The following FRMPD4 variants were observed in gnomAD, a reference collection of about 807,000 sequenced individuals.
The protein encoded by FRMPD4 is FERM and PDZ domain containing 4.
Under a neutral mutation model 94.1 loss-of-function variants are expected in FRMPD4, and 22 were observed. That is an observed-to-expected ratio of 0.23 (90% CI 0.17 to 0.33). FRMPD4 has a LOEUF of 0.33. Ranked by LOEUF, FRMPD4 falls within the 10% of genes least tolerant of loss-of-function variation. The probability of loss-of-function intolerance (pLI) is 1.00; values close to 1 mark genes in which losing one functional copy is unlikely to be tolerated. For missense variants in FRMPD4, 1,111 were observed against 1,339.9 expected, an observed-to-expected ratio of 0.83 and a Z score of 2.67; for synonymous variants, 631 against 548.6, an observed-to-expected ratio of 1.15 and a Z score of -2.10.
intron 3 of FRMPD4, among the ~76,000 whole-genome samples, chrX:12,131,123 TGG>T (rs2055549185): frequency 9.0e-6 from 1 of 111,213 alleles, no homozygotes; most frequent in African/African-American, 3.3e-5. Context: ...TGAGAGAGGG[TGG>T]GGTTAAAGAA....
chrX:12,269,604 G>T (rs12845995), intron 1 of FRMPD4, among the ~76,000 whole-genome samples: 2 of 112,337 alleles, frequency 1.8e-5, no homozygotes, highest in Non-Finnish European at 3.8e-5. Context: ...TTGCATGCTT[G>T]TCCCCAGTGG....
rs758955955 is a variant in FRMPD4, at chrX:12,716,556, G to A, written c.2097G>A (p.Leu699=). The change falls in exon 15 of 17, where the codon CTG becomes CTA. Residue 699 remains leucine, a synonymous_variant. Coordinates refer to ENST00000675598, the MANE Select transcript of FRMPD4 (RefSeq NM_001368397.1). ...YIGSANDMKG[L]DLTPEAEGIQ... is the part of the protein sequence containing the mutation. ...GCAGTGCCAATGACATGAAGGGCCT[G>A]GATCTCACTCCAGAGGCAGAGGGCA... is the stretch of plus-strand genomic sequence containing the variant. 8.3e-7 allele frequency: 1 copy of A among 1,208,686 alleles called. No individual in the cohort carries two copies. The highest frequency in any genetic ancestry group is 3.0e-5 in the East Asian group (1 of 33,738).
intron 1 of FRMPD4, among the ~76,000 whole-genome samples, chrX:12,440,487 T>C (rs769282465): frequency 9.0e-6 from 1 of 111,622 alleles, no homozygotes; most frequent in African/African-American, 3.2e-5. Flanking sequence ...CAGGGAGCTC[T>C]GGGATGTGAG....
intron 1 of FRMPD4, among the ~76,000 whole-genome samples, chrX:12,233,953 C>T (rs1315339499): frequency 1.9e-5 from 2 of 108,069 alleles, no homozygotes. Flanking sequence ...TTTCCTTCTG[C>T]GTCATCTGCC....
chrX:12,339,649 CT>C (rs985584159), intron 1 of FRMPD4, among the ~76,000 whole-genome samples: 8 of 109,574 alleles, frequency 7.3e-5, no homozygotes, highest in Non-Finnish European at 3.8e-5. Flanking sequence ...TGGAATCTCC[CT>C]CTATTGCCCA....
chrX:12,383,101 A>G (rs1015936050), intron 1 of FRMPD4, among the ~76,000 whole-genome samples: 3 of 111,898 alleles, frequency 2.7e-5, no homozygotes, highest in Non-Finnish European at 3.8e-5. Flanking sequence ...AGTGAGTAGG[A>G]TAGCTCCTTA....
At chrX:12,287,438 A>C (rs1315950148) in intron 1 of FRMPD4, among the ~76,000 whole-genome samples, 1 of 112,089 alleles carries the variant, frequency 8.9e-6, no homozygotes. Context: ...TGACAGCAGC[A>C]GGAGGCATGG....
chrX:11,922,003 A>T (rs147177909), intron 3 of FRMPD4, among the ~76,000 whole-genome samples: 1 of 111,827 alleles, frequency 8.9e-6, no homozygotes, highest in South Asian at 3.8e-4. Context: ...ATTTATTCGG[A>T]GATTTTAGTG....
At chrX:11,972,882 A>C (rs2054348130) in intron 3 of FRMPD4, among the ~76,000 whole-genome samples, 2 of 112,691 alleles carry the variant, frequency 1.8e-5, no homozygotes, top group Non-Finnish European at 3.8e-5. Context: ...GTTTATGTGA[A>C]AGCTCAAAGA....
intron 1 of FRMPD4, among the ~76,000 whole-genome samples, chrX:12,401,123 G>C (rs969928916): frequency 3.6e-5 from 4 of 111,251 alleles, no homozygotes; most frequent in African/African-American, 1.3e-4. Flanking sequence ...TATTATTGAG[G>C]GAAAAAGTGT....
chrX:12,352,803 T>C (rs927113736), intron 1 of FRMPD4, among the ~76,000 whole-genome samples: 2 of 112,177 alleles, frequency 1.8e-5, no homozygotes, highest in Non-Finnish European at 3.8e-5. Context: ...AACATAACAT[T>C]TTCCTTTTAC....
chrX:12,441,777 A>G (rs1282803107), intron 1 of FRMPD4, among the ~76,000 whole-genome samples: 1 of 112,360 alleles, frequency 8.9e-6, no homozygotes. Flanking sequence ...GGCTGTCACA[A>G]TGATAATGAC....
At chrX:11,994,236 G>T (rs147928114) in intron 3 of FRMPD4, among the ~76,000 whole-genome samples, 2 of 111,002 alleles carry the variant, frequency 1.8e-5, no homozygotes, top group African/African-American at 6.5e-5. Flanking sequence ...CAGCCCCAAA[G>T]GTCCATAGTG....
At chrX:11,945,831 T>C (rs1264872617) in intron 3 of FRMPD4, among the ~76,000 whole-genome samples, 2 of 111,598 alleles carry the variant, frequency 1.8e-5, no homozygotes, top group African/African-American at 3.3e-5. Context: ...TTTTCAACAC[T>C]GGGGATCACA....
chrX:12,638,915 G>C lies in FRMPD4; in HGVS notation c.422+24034G>C, dbSNP rs754376179. On this transcript the variant is annotated intron_variant, in intron 4 of 16. Coordinates refer to ENST00000675598, the MANE Select transcript of FRMPD4 (RefSeq NM_001368397.1). ...ACCACTCTACTTCGGTGGCTCCCACGCTGGCCATTATGGCTGTCCGCAGCT... is the reference window on the plus strand; with the variant it reads ...ACCACTCTACTTCGGTGGCTCCCACCCTGGCCATTATGGCTGTCCGCAGCT... 2.1e-3 allele frequency among the ~76,000 whole-genome samples: 237 copies of C among 111,125 alleles called. 1 individual carries two copies. The highest frequency in any genetic ancestry group is 7.5e-3 in the African/African-American group (229 of 30,558).
At chrX:12,667,253 A>G (rs1293523582) in intron 4 of FRMPD4, among the ~76,000 whole-genome samples, 1 of 112,607 alleles carries the variant, frequency 8.9e-6, no homozygotes, top group East Asian at 2.8e-4. Flanking sequence ...AAAATTGTAC[A>G]GTTAACTTGT....
At chrX:12,604,011 T>C (rs1178842051) in intron 2 of FRMPD4, among the ~76,000 whole-genome samples, 1 of 109,214 alleles carries the variant, frequency 9.2e-6, no homozygotes, top group Non-Finnish European at 1.9e-5. Context: ...ATCCTCAACA[T>C]GCAAGCAAAA....
chrX:12,167,153 G>C (rs911571911), intron 1 of FRMPD4, among the ~76,000 whole-genome samples: 109 of 111,514 alleles, frequency 9.8e-4, no homozygotes, highest in Non-Finnish European at 1.7e-3. Flanking sequence ...TTAGGGTCTT[G>C]ATTTTAGATC....
At chrX:12,224,789 T>G (rs1464223979) in intron 1 of FRMPD4, among the ~76,000 whole-genome samples, 5 of 111,728 alleles carry the variant, frequency 4.5e-5, no homozygotes, top group Non-Finnish European at 9.4e-5. Context: ...GGTACAGTTT[T>G]TATTTTTCTT....
Sources: gnomAD v4.1 joint callset for allele counts (sites outside exome capture counted in the v4.1 genomes callset) on GRCh38, gnomAD v4.1.1 for gene constraint, MANE v1.5 for transcripts, NCBI Gene and HGNC (gene_info 2026-07-23, HGNC 2026-07-21) for gene names.